Variants in PIGU observed in about 807,000 individuals in gnomAD.
PIGU encodes the protein GPI-anchor transamidase component PIGU.
A neutral mutation model predicts 49.9 loss-of-function variants in PIGU; 24 were observed. The ratio of observed to expected loss-of-function variants is 0.48; its 90% CI spans 0.35 to 0.68. The LOEUF (loss-of-function observed/expected upper bound fraction) is 0.68. Among genes scored for constraint, PIGU ranks in the 30% least tolerant of loss-of-function variants. PIGU has a pLI of 0.01. For missense variants in PIGU, 490 were observed against 532.6 expected (o/e 0.92, Z 0.79); for synonymous variants, 220 against 205.7 (o/e 1.07, Z -0.59).
intron 10 of PIGU, among the ~76,000 whole-genome samples, chr20:34,577,861 C>T (rs935796451): frequency 3.3e-5 from 5 of 152,150 alleles, no homozygotes; most frequent in African/African-American, 7.2e-5. Context: ...GTCGAGGCTG[C>T]GAACCACTGG....
intron 1 of PIGU, among the ~76,000 whole-genome samples, chr20:34,659,269 G>A (rs1300852582): frequency 3.7e-5 from 4 of 109,228 alleles, no homozygotes; most frequent in African/African-American, 1.0e-4. Context: ...TCAGCCCCCC[G>A]CCCGGCCAGC....
intron 1 of PIGU, among the ~76,000 whole-genome samples, chr20:34,669,666 GAA>G (rs34144980): frequency 4.0e-5 from 5 of 123,992 alleles, no homozygotes; most frequent in Non-Finnish European, 3.3e-5. Context: ...GACTCTGGCT[GAA>G]AAAAAAAAAA....
At chr20:34,619,465 A>T (rs963776211) in intron 6 of PIGU, among the ~76,000 whole-genome samples, 1 of 152,200 alleles carries the variant, frequency 6.6e-6, no homozygotes, top group Admixed American at 6.5e-5. Flanking sequence ...GAAAACACTG[A>T]AAATAACTTT....
chr20:34,571,543 A>G (rs985952524), intron 11 of PIGU, among the ~76,000 whole-genome samples: 4 of 152,126 alleles, frequency 2.6e-5, no homozygotes, highest in Non-Finnish European at 1.5e-5. Flanking sequence ...TTGCCCAAGG[A>G]GGAGAAAATG....
chr20:34,598,340 G>C (rs1214069865), intron 7 of PIGU, among the ~76,000 whole-genome samples: 4 of 152,182 alleles, frequency 2.6e-5, no homozygotes, highest in Non-Finnish European at 4.4e-5. Flanking sequence ...AGATTTAGGA[G>C]TGAGGGGTAA....
At chr20:34,618,663 T>C (rs1035285404) in intron 6 of PIGU, among the ~76,000 whole-genome samples, 1 of 152,224 alleles carries the variant, frequency 6.6e-6, no homozygotes, top group Non-Finnish European at 1.5e-5. Context: ...GTTACACACC[T>C]GTGGTCCCAG....
At chr20:34,569,803 A>C (rs1982929392) in intron 11 of PIGU, among the ~76,000 whole-genome samples, 2 of 152,202 alleles carry the variant, frequency 1.3e-5, no homozygotes, top group African/African-American at 4.8e-5. Context: ...ATTTGTCATC[A>C]ATAAGTAGTC....
intron 1 of PIGU, 66 bp downstream of exon 1, chr20:34,676,890 T>A: frequency 1.3e-6 from 2 of 1,505,716 alleles, no homozygotes; most frequent in Non-Finnish European, 1.8e-6. Context: ...TGCCCCCGCC[T>A]CCCATTCACA....
chr20:34,663,075 A>T (rs1986977529), intron 1 of PIGU, among the ~76,000 whole-genome samples: 1 of 151,148 alleles, frequency 6.6e-6, no homozygotes, highest in Non-Finnish European at 1.5e-5. Context: ...ACCCAGCTAA[A>T]TTTTTTTTTG....
At chr20:34,676,024 T>TA (rs10711315) in intron 1 of PIGU, among the ~76,000 whole-genome samples, 39,950 of 132,400 alleles carry the variant, frequency 0.3, 7,139 homozygotes, top group Admixed American at 0.5. Flanking sequence ...TGTACTTCAG[T>TA]AAAAAAAAAA....
intron 2 of PIGU, among the ~76,000 whole-genome samples, chr20:34,646,179 T>C (rs1986338030): frequency 6.6e-6 from 1 of 152,178 alleles, no homozygotes; most frequent in South Asian, 2.1e-4. Flanking sequence ...TCTGCCTGGA[T>C]TTTCTTTGAG....
chr20:34,665,257 G>A (rs1408714063), intron 1 of PIGU, among the ~76,000 whole-genome samples: 1 of 135,816 alleles, frequency 7.4e-6, no homozygotes, highest in Admixed American at 7.9e-5. Context: ...AGGCTGGAGT[G>A]CAGTGGCGCG....
intron 2 of PIGU, among the ~76,000 whole-genome samples, chr20:34,650,351 A>G (rs1986491916): frequency 6.6e-6 from 1 of 151,434 alleles, no homozygotes; most frequent in Non-Finnish European, 1.5e-5. Context: ...GCTCACTGCA[A>G]CCTCCAACTC....
At chr20:34,562,290 A>G in intron 11 of PIGU, 1 of 438,910 alleles carries the variant, frequency 2.3e-6, no homozygotes, top group African/African-American at 2.1e-5. Context: ...AGGCACCTGG[A>G]GGCCTCAGAG....
chr20:34,668,147 G>A (rs932993466), intron 1 of PIGU, among the ~76,000 whole-genome samples: 4 of 152,008 alleles, frequency 2.6e-5, no homozygotes, highest in Admixed American at 2.0e-4. Context: ...ACAGATAAAC[G>A]ACTAAGGAGA....
chr20:34,651,930 C>G (rs191813930), intron 2 of PIGU, among the ~76,000 whole-genome samples: 3 of 151,694 alleles, frequency 2.0e-5, no homozygotes, highest in Non-Finnish European at 4.4e-5. Context: ...AAAGTGAGAC[C>G]CCCCCCATCT....
At chr20:34,615,517 GC>G (rs971671108) in intron 7 of PIGU, among the ~76,000 whole-genome samples, 3 of 152,158 alleles carry the variant, frequency 2.0e-5, no homozygotes, top group Admixed American at 6.5e-5. Context: ...ATATAGTAGT[GC>G]CCCCCTTATC....
chr20:34,658,386 C>T (rs999480269), intron 1 of PIGU, among the ~76,000 whole-genome samples: 2 of 152,280 alleles, frequency 1.3e-5, no homozygotes, highest in African/African-American at 4.8e-5. Flanking sequence ...CCCAAAGTGC[C>T]GAGATTGCAG....
At chr20:34,568,670 G>A (rs1982877900) in intron 11 of PIGU, among the ~76,000 whole-genome samples, 1 of 152,220 alleles carries the variant, frequency 6.6e-6, no homozygotes, top group Admixed American at 6.5e-5. Flanking sequence ...CCGGGAGACA[G>A]GATTGTGGTT....
Sources: gnomAD v4.1 joint callset for allele counts (sites outside exome capture counted in the v4.1 genomes callset) on GRCh38, gnomAD v4.1.1 for gene constraint, MANE v1.5 for transcripts, NCBI Gene and HGNC (gene_info 2026-07-23, HGNC 2026-07-21) for gene names.